Variants in GATAD2A observed in about 807,000 individuals in gnomAD.
GATAD2A encodes the protein GATA zinc finger domain containing 2A, also known as transcriptional repressor p66-alpha.
Under a neutral mutation model 68.5 loss-of-function variants are expected in GATAD2A, and 12 were observed. The ratio of observed to expected loss-of-function variants is 0.18; its 90% confidence interval spans 0.11 to 0.28. The LOEUF is 0.28. Among genes scored for constraint, GATAD2A ranks in the 10% least tolerant of loss-of-function variants. The pLI, the probability that GATAD2A is intolerant of heterozygous loss-of-function variation, is 1.00. For missense variants in GATAD2A, 755 were observed against 868.5 expected (o/e 0.87, Z 1.64); for synonymous variants, 410 against 375.3 (o/e 1.09, Z -1.07).
chr19:19,444,862 C>A (rs4808201), intron 1 of GATAD2A, among the ~76,000 whole-genome samples: 7,110 of 125,640 alleles, frequency 0.057, 243 homozygotes, highest in East Asian at 0.14. Context: ...CAGAGTGAGA[C>A]CTCGTCCCTT....
intron 1 of GATAD2A, among the ~76,000 whole-genome samples, chr19:19,387,719 T>A (rs1055080319): frequency 6.6e-6 from 1 of 152,162 alleles, no homozygotes; most frequent in African/African-American, 2.4e-5. Flanking sequence ...ATACCCCTAC[T>A]TTACCAGTAT....
intron 9 of GATAD2A, 106 bp from the exon 10 acceptor site, chr19:19,501,863 G>A (rs1325912266): frequency 6.3e-6 from 5 of 790,106 alleles, no homozygotes; most frequent in East Asian, 5.1e-5. Flanking sequence ...CCCACTTGGC[G>A]CCTAAAGTCC....
intron 2 of GATAD2A, among the ~76,000 whole-genome samples, chr19:19,486,092 C>G (rs936056425): frequency 6.6e-6 from 1 of 152,248 alleles, no homozygotes; most frequent in African/African-American, 2.4e-5. Context: ...GGGCGCTCCC[C>G]AGCCTTGCCA....
intron 1 of GATAD2A, among the ~76,000 whole-genome samples, chr19:19,398,182 C>T (rs1179768855): frequency 4.0e-5 from 6 of 150,468 alleles, no homozygotes; most frequent in South Asian, 2.1e-4. Flanking sequence ...GGATTACAGG[C>T]GTGACCCACT....
chr19:19,416,012 C>A (rs2051587818), intron 1 of GATAD2A, among the ~76,000 whole-genome samples: 1 of 152,042 alleles, frequency 6.6e-6, no homozygotes, highest in Admixed American at 6.6e-5. Flanking sequence ...GGCTAGAGTG[C>A]AGAGGCTCAT....
chr19:19,393,305 T>TAA (rs202037728), intron 1 of GATAD2A, among the ~76,000 whole-genome samples: 12 of 145,268 alleles, frequency 8.3e-5, no homozygotes, highest in Admixed American at 6.2e-4. Context: ...AGATTCCGTG[T>TAA]AAAAAAAAAA....
chr19:19,503,853 G>A (rs1323084925), intron 11 of GATAD2A, among the ~76,000 whole-genome samples: 1 of 152,170 alleles, frequency 6.6e-6, no homozygotes, highest in East Asian at 1.9e-4. Flanking sequence ...CACAGGGTTG[G>A]TTCCTAAGAA....
intron 1 of GATAD2A, among the ~76,000 whole-genome samples, chr19:19,465,132 C>T (rs950854158): frequency 7.2e-5 from 11 of 152,198 alleles, no homozygotes; most frequent in African/African-American, 2.4e-4. Context: ...ACAGTGGAGG[C>T]TGGGGACACC....
chr19:19,401,405 G>C (rs2049735601), upstream of GATAD2A, among the ~76,000 whole-genome samples: 1 of 151,862 alleles, frequency 6.6e-6, no homozygotes, highest in Non-Finnish European at 1.5e-5. Context: ...AGTAGAGACA[G>C]GGTTTCACCG....
intron 1 of GATAD2A, among the ~76,000 whole-genome samples, chr19:19,386,993 C>T (rs1235838093): frequency 6.6e-6 from 1 of 151,974 alleles, no homozygotes; most frequent in Admixed American, 6.5e-5. Context: ...GAGTCCCTTT[C>T]TCTGAGGGAC....
chr19:19,418,112 T>C (rs1275660008), intron 1 of GATAD2A, among the ~76,000 whole-genome samples: 1 of 152,128 alleles, frequency 6.6e-6, no homozygotes, highest in African/African-American at 2.4e-5. Context: ...TTAGGGGTAG[T>C]GAGCTAGGTC....
At chr19:19,494,992 C>T (rs546842214) in intron 5 of GATAD2A, among the ~76,000 whole-genome samples, 3 of 152,294 alleles carry the variant, frequency 2.0e-5, no homozygotes, top group East Asian at 1.9e-4. Flanking sequence ...TTGTGTTATA[C>T]GTTTGCCTTG....
At chr19:19,467,166 G>A (rs756238781) in intron 2 of GATAD2A, among the ~76,000 whole-genome samples, 1 of 152,188 alleles carries the variant, frequency 6.6e-6, no homozygotes, top group Non-Finnish European at 1.5e-5. Flanking sequence ...ACAAGGTCAG[G>A]AGATTGAGAC....
chr19:19,440,738 C>T (rs1299848020), intron 1 of GATAD2A, among the ~76,000 whole-genome samples: 5 of 152,124 alleles, frequency 3.3e-5, no homozygotes, highest in African/African-American at 7.2e-5. Context: ...CCCTTAAAAA[C>T]CAAAGACAAA....
chr19:19,467,397 G>A (rs867772612), intron 2 of GATAD2A, among the ~76,000 whole-genome samples: 6 of 151,976 alleles, frequency 3.9e-5, no homozygotes, highest in Middle Eastern at 6.3e-3. Flanking sequence ...AATATTGCTA[G>A]CACCTCTGAA....
intron 1 of GATAD2A, among the ~76,000 whole-genome samples, chr19:19,449,635 A>G (rs546444032): frequency 6.6e-6 from 1 of 150,414 alleles, no homozygotes; most frequent in Admixed American, 6.6e-5. Flanking sequence ...AACATGGTTG[A>G]AACTCTGTCT....
upstream of GATAD2A, among the ~76,000 whole-genome samples, chr19:19,401,659 G>A (rs767456548): frequency 6.6e-6 from 1 of 151,700 alleles, no homozygotes; most frequent in Non-Finnish European, 1.5e-5. Flanking sequence ...CTCAGTTGTC[G>A]ATCAGTGTTT....
chr19:19,461,698 G>A (rs939530210), intron 1 of GATAD2A, among the ~76,000 whole-genome samples: 12 of 152,242 alleles, frequency 7.9e-5, no homozygotes, highest in African/African-American at 2.9e-4. Context: ...CCAGCCCAGT[G>A]TGTGCGGGAC....
intron 1 of GATAD2A, among the ~76,000 whole-genome samples, chr19:19,417,277 G>A (rs1237585258): frequency 6.6e-6 from 1 of 152,154 alleles, no homozygotes; most frequent in Non-Finnish European, 1.5e-5. Flanking sequence ...TTGTGGGTAA[G>A]TGGCCCCTGC....
Sources: gnomAD v4.1 joint callset for allele counts (sites outside exome capture counted in the v4.1 genomes callset) on GRCh38, gnomAD v4.1.1 for gene constraint, MANE v1.5 for transcripts, NCBI Gene and HGNC (gene_info 2026-07-23, HGNC 2026-07-21) for gene names.